Variants in ZNF718 observed in about 807,000 individuals in gnomAD.
ZNF718 encodes the protein zinc finger protein 718.
A neutral mutation model predicts 2.6 loss-of-function variants in ZNF718; 3 were observed. The ratio of observed to expected loss-of-function variants is 1.16; its 90% CI spans 0.53 to 3.01. The LOEUF (loss-of-function observed/expected upper bound fraction) is 3.01, where lower values mean the gene tolerates loss of function less well. ZNF718 is among the 30% of genes most tolerant of loss of function. The probability of loss-of-function intolerance (pLI) is 0.03; values close to 1 mark genes in which losing one functional copy is unlikely to be tolerated. For missense variants in ZNF718, 468 were observed against 230.0 expected, an observed-to-expected ratio of 2.03 and a Z score of -6.69; for synonymous variants, 135 against 77.9, an observed-to-expected ratio of 1.73 and a Z score of -3.86.
At chr4:135,452 TAGGTCAC>T (rs1715519943) in intron 3 of ZNF718, among the ~76,000 whole-genome samples, 2 of 151,960 alleles carry the variant, frequency 1.3e-5, no homozygotes, top group South Asian at 4.2e-4. Context: ...ATAGTGTTTC[TAGGTCAC>T]AGGTACATGA....
chr4:124,716 A>G, intron 1 of ZNF718, 43 bp downstream of exon 1: 1 of 1,605,900 alleles, frequency 6.2e-7, no homozygotes, highest in South Asian at 1.1e-5. Flanking sequence ...TGGAGGCCTC[A>G]TCGGAACCGG....
At chr4:187,177 C>G (rs1247591615) in intron 3 of ZNF718, among the ~76,000 whole-genome samples, 1 of 151,806 alleles carries the variant, frequency 6.6e-6, no homozygotes. Context: ...TGGGGGTCCA[C>G]TCCAGGCTTG....
intron 3 of ZNF718, among the ~76,000 whole-genome samples, chr4:191,050 T>C (rs1581484871): frequency 6.6e-6 from 1 of 151,444 alleles, no homozygotes; most frequent in Non-Finnish European, 1.5e-5. Flanking sequence ...AAAATATATA[T>C]ATATTTTTTT....
In ZNF718 at chr4:164,072, AT is replaced by A. The variant is rs1223599480; in HGVS notation, c.*1954del. The A allele has an allele frequency of 6.6e-6, 1 of 151,982 alleles. No homozygotes were observed. Among genetic ancestry groups the A allele is most frequent in the Non-Finnish European group, 1.5e-5 (1 of 67,944 alleles). 9.4% of individuals were successfully genotyped at this position (151,982 alleles called of 1,614,324 possible). On this transcript the variant is annotated 3_prime_UTR_variant, in exon 4 of 4. Coordinates refer to ENST00000510175, the MANE Select transcript of ZNF718 (RefSeq NM_001039127.6). ...ATTAAATTATTTTTTATTACAGGTAATTTTATGATTGTATTTAGAATTATAT... is the reference window on the plus strand; with the variant it reads ...ATTAAATTATTTTTTATTACAGGTAATTTATGATTGTATTTAGAATTATAT...
intron 3 of ZNF718, among the ~76,000 whole-genome samples, chr4:192,057 A>C (rs1717703133): frequency 6.6e-6 from 1 of 152,178 alleles, no homozygotes. Flanking sequence ...CACAGTCAGG[A>C]GTGGCAATGG....
chr4:169,052 G>T (rs546369515), downstream of ZNF718, among the ~76,000 whole-genome samples: 8 of 152,282 alleles, frequency 5.3e-5, no homozygotes, highest in South Asian at 1.7e-3. Context: ...GGTATGTTGT[G>T]TCTTTGTTCT....
chr4:182,657 T>C (rs1429196919), intron 3 of ZNF718, among the ~76,000 whole-genome samples: 23 of 152,202 alleles, frequency 1.5e-4, no homozygotes, highest in Non-Finnish European at 2.4e-4. Flanking sequence ...GGTGTTGAAC[T>C]CTTCACCTCA....
At chr4:171,230 A>T (rs563876874) in intron 3 of ZNF718, among the ~76,000 whole-genome samples, 2 of 152,086 alleles carry the variant, frequency 1.3e-5, no homozygotes, top group Admixed American at 1.3e-4. Context: ...GTACCCAGCC[A>T]TGTGAGGTGT....
At chr4:155,319 A>G (rs1553813468) in intron 3 of ZNF718, among the ~76,000 whole-genome samples, 1 of 152,116 alleles carries the variant, frequency 6.6e-6, no homozygotes, top group Non-Finnish European at 1.5e-5. Context: ...CCCCAGAATG[A>G]TAGATCCACT....
At chr4:164,972 T>C (rs1553816483), downstream of ZNF718, among the ~76,000 whole-genome samples, 1 of 152,140 alleles carries the variant, frequency 6.6e-6, no homozygotes, top group African/African-American at 2.4e-5. Context: ...ATGGTATTAA[T>C]TCTGTATGTT....
intron 1 of ZNF718, chr4:124,926 G>A (rs1715130175): frequency 2.3e-6 from 1 of 433,518 alleles, no homozygotes; most frequent in Admixed American, 3.9e-5. Context: ...GAGCTCATCC[G>A]GAAGACACCG....
intron 3 of ZNF718, among the ~76,000 whole-genome samples, chr4:177,609 T>A (rs1203848717): frequency 1.3e-5 from 2 of 152,150 alleles, no homozygotes; most frequent in African/African-American, 4.8e-5. Flanking sequence ...CTAGAAACTC[T>A]CAGAGTTCAA....
intron 3 of ZNF718, among the ~76,000 whole-genome samples, chr4:196,005 C>CCT (rs1367201613): frequency 1.3e-5 from 2 of 151,162 alleles, no homozygotes; most frequent in African/African-American, 4.9e-5. Context: ...GCTTCTCTTT[C>CCT]CTCTCTCTCT....
Position 189,261 on chromosome 4 carries a change from C to T in ZNF718, c.227-11820C>T, listed in dbSNP as rs782640567. On this transcript the variant is annotated intron_variant and NMD_transcript_variant, in intron 3 of 4. Coordinates refer to the ZNF718 transcript ENST00000642529. Reference sequence around the variant, plus strand: ...TTTTCATTGGGTATTTTGATCATAACGTTTCTTATTGATAACCTTGAATAT... The same window carrying T: ...TTTTCATTGGGTATTTTGATCATAATGTTTCTTATTGATAACCTTGAATAT... Among the ~76,000 whole-genome samples, 175 of 151,646 alleles carry T rather than the reference C, an allele frequency of 1.2e-3. 3 individuals are homozygous for T. The highest frequency in any genetic ancestry group is 5.8e-4 in the East Asian group (3 of 5,170).
intron 3 of ZNF718, among the ~76,000 whole-genome samples, chr4:155,611 C>T (rs924615003): frequency 2.6e-5 from 4 of 152,144 alleles, no homozygotes; most frequent in Non-Finnish European, 5.9e-5. Flanking sequence ...GGTGTATTTA[C>T]CCAATGCCTG....
At chr4:174,639 C>T (rs1262758555) in intron 3 of ZNF718, among the ~76,000 whole-genome samples, 2 of 152,190 alleles carry the variant, frequency 1.3e-5, no homozygotes, top group African/African-American at 4.8e-5. Context: ...GGCAGATAGA[C>T]TTCACTTAAT....
At chr4:138,850 T>C (rs1715688359) in intron 3 of ZNF718, among the ~76,000 whole-genome samples, 1 of 152,282 alleles carries the variant, frequency 6.6e-6, no homozygotes, top group South Asian at 2.1e-4. Context: ...TGAGATAATA[T>C]CTCATTGTCA....
downstream of ZNF718, among the ~76,000 whole-genome samples, chr4:164,724 T>C (rs1717048019): frequency 6.6e-6 from 1 of 152,192 alleles, no homozygotes; most frequent in South Asian, 2.1e-4. Context: ...TATAAGCTGT[T>C]TAGTTACTGT....
rs374195019 is a variant in ZNF718, at chr4:161,897, T to G, written c.1212T>G (p.Phe404Leu). Residue 404 changes from phenylalanine (F) to leucine (L), a missense_variant, in exon 4 of 4, where the codon TTT becomes TTG. Physicochemically the swap from Phe to Leu is conservative, Grantham distance 22. Transcript: ENST00000510175. ...AATGTGAAGATTGTGGCAAAGCCTT[T>G]AAAGTGTTTGCAAACCTGCATAATC... Reference protein sequence around the residue: ...PYKCEDCGKAFKVFANLHNHK... With the variant: ...PYKCEDCGKALKVFANLHNHK... 13 of 780,138 alleles carry G rather than the reference T, an allele frequency of 1.7e-5. No individual in the cohort carries two copies. The highest frequency in any genetic ancestry group is 3.1e-5 in the Non-Finnish European group (13 of 417,720). The allele number at this position is 780,138 out of a possible 1,614,324, so 48.3% of individuals were successfully genotyped here. A position where few individuals can be genotyped will look rare whatever the true frequency, so the allele number is the denominator to read the frequency against.
Sources: gnomAD v4.1 joint callset for allele counts (sites outside exome capture counted in the v4.1 genomes callset) on GRCh38, gnomAD v4.1.1 for gene constraint, MANE v1.5 for transcripts, NCBI Gene and HGNC (gene_info 2026-07-23, HGNC 2026-07-21) for gene names.